NEK4: variants seen among roughly 807,000 people sequenced by gnomAD.
NEK4 encodes the protein NIMA related kinase 4.
NEK4 carries 86 observed loss-of-function variants against 98.4 expected under a neutral mutation model. The ratio of observed to expected loss-of-function variants is 0.87; its 90% CI spans 0.73 to 1.05. The LOEUF is 1.05. NEK4 is among the 50% of genes least tolerant of loss of function. The pLI, the probability that NEK4 is intolerant of heterozygous loss-of-function variation, is 0.00. For missense variants in NEK4, 898 were observed against 950.3 expected, an observed-to-expected ratio of 0.94 and a Z score of 0.72; for synonymous variants, 328 against 342.2, an observed-to-expected ratio of 0.96 and a Z score of 0.46.
rs1472587750 is a variant in NEK4, at chr3:52,770,201, T to A, written c.93+453A>T. ...TTGGCGGGAAGAAAATGAGTCGAGTTTTAAGTGAATCCAGCAGTCTACAGT... is the reference window on the plus strand; with the variant it reads ...TTGGCGGGAAGAAAATGAGTCGAGTATTAAGTGAATCCAGCAGTCTACAGT... On this transcript the variant is annotated intron_variant, in intron 1 of 15. Transcript: ENST00000233027. Among the ~76,000 whole-genome samples the A allele has an allele frequency of 2.6e-5, 4 of 152,044 alleles. No homozygotes were observed. The East Asian group carries it at 7.7e-4, about 29-fold the overall frequency.
intron 6 of NEK4, among the ~76,000 whole-genome samples, chr3:52,758,047 C>T (rs778505779): frequency 9.9e-5 from 15 of 151,912 alleles, no homozygotes; most frequent in Admixed American, 3.9e-4. Flanking sequence ...GATGTTGTGG[C>T]GTGTACCTGT....
intron 11 of NEK4, 50 bp downstream of exon 11, chr3:52,744,189 G>T: frequency 7.3e-7 from 1 of 1,362,114 alleles, no homozygotes; most frequent in Non-Finnish European, 1.1e-6. Context: ...TTCTGTCCAC[G>T]AACCATACCC....
intron 15 of NEK4, among the ~76,000 whole-genome samples, chr3:52,722,776 GC>G (rs2097361210): frequency 6.6e-6 from 1 of 152,072 alleles, no homozygotes; most frequent in Non-Finnish European, 1.5e-5. Context: ...GTGGTGGCAT[GC>G]TCCTACAGTC....
At chr3:52,755,993 G>A (rs1371203437) in intron 6 of NEK4, among the ~76,000 whole-genome samples, 1 of 152,036 alleles carries the variant, frequency 6.6e-6, no homozygotes, top group Non-Finnish European at 1.5e-5. Flanking sequence ...GCGAAAGAAG[G>A]ACTTACATAG....
At chr3:52,750,659 G>A (rs1281064612) in intron 7 of NEK4, among the ~76,000 whole-genome samples, 3 of 152,124 alleles carry the variant, frequency 2.0e-5, no homozygotes, top group African/African-American at 7.2e-5. Context: ...AGGGTCCAGT[G>A]ACTCATGCCT....
At chr3:52,737,480 T>TTATA in intron 15 of NEK4, 106 bp downstream of exon 15, 2 of 1,192,336 alleles carry the variant, frequency 1.7e-6, no homozygotes, top group South Asian at 2.6e-5. Flanking sequence ...AACCACTGAA[T>TTATA]TATACACTTT....
chr3:52,714,307 T>C (rs2097353086), intron 15 of NEK4, among the ~76,000 whole-genome samples: 1 of 152,218 alleles, frequency 6.6e-6, no homozygotes, highest in African/African-American at 2.4e-5. Flanking sequence ...GAGGCCATTG[T>C]TTTGGACTAA....
chr3:52,740,818 T>C (rs1015674080), intron 13 of NEK4, among the ~76,000 whole-genome samples: 3 of 130,154 alleles, frequency 2.3e-5, no homozygotes, highest in African/African-American at 7.6e-5. Flanking sequence ...AAATAAAATA[T>C]ATTTTTAAAA....
At chr3:52,724,262 C>CACACACACACA (rs1312010300) in intron 15 of NEK4, among the ~76,000 whole-genome samples, 13 of 150,816 alleles carry the variant, frequency 8.6e-5, no homozygotes. Flanking sequence ...CACACACACA[C>CACACACACACA]AAAACTGTCA....
At chr3:52,730,166 A>G (rs554525561) in intron 15 of NEK4, among the ~76,000 whole-genome samples, 1 of 152,364 alleles carries the variant, frequency 6.6e-6, no homozygotes, top group Admixed American at 6.5e-5. Context: ...TTGTATGCCA[A>G]CAAGTTGCAT....
chr3:52,749,681 G>A lies in NEK4; in HGVS notation c.1506+11C>T. 2 of 257,114 alleles carry A rather than the reference G, an allele frequency of 7.8e-6. No homozygotes were observed. The highest frequency in any genetic ancestry group is 1.6e-5 in the Non-Finnish European group (2 of 126,604). 15.9% of individuals were successfully genotyped at this position (257,114 alleles called of 1,614,324 possible). ...AAACCCCATCTCTGCTAGAAAAACT[G>A]CAAAAATTACCTGGGCGTGGTGGCA... is the stretch of plus-strand genomic sequence containing the variant. On this transcript the variant is annotated intron_variant, in intron 8 of 15. Coordinates refer to ENST00000233027, the MANE Select transcript of NEK4 (RefSeq NM_003157.6).
At chr3:52,721,707 G>A (rs143423262) in intron 15 of NEK4, among the ~76,000 whole-genome samples, 186 of 150,082 alleles carry the variant, frequency 1.2e-3, no homozygotes, top group African/African-American at 4.4e-3. Flanking sequence ...TTGTACTCCA[G>A]CCTGGGTGAC....
At chr3:52,757,921 A>G (rs753831348) in intron 6 of NEK4, among the ~76,000 whole-genome samples, 1 of 152,112 alleles carries the variant, frequency 6.6e-6, no homozygotes, top group Non-Finnish European at 1.5e-5. Context: ...CACACCTGTA[A>G]TCTCAGCATT....
At chr3:52,738,691 T>C (rs921436212) in intron 14 of NEK4, among the ~76,000 whole-genome samples, 8 of 152,088 alleles carry the variant, frequency 5.3e-5, no homozygotes, top group Non-Finnish European at 1.0e-4. Flanking sequence ...ACTCAAGCAA[T>C]CTGCCCTCCT....
chr3:52,730,334 T>C, intron 15 of NEK4, among the ~76,000 whole-genome samples: 1 of 152,106 alleles, frequency 6.6e-6, no homozygotes, highest in East Asian at 1.9e-4. Context: ...CCTGATGGCT[T>C]TGCTGGTGAT....
At chr3:52,733,368 G>T in intron 15 of NEK4, 1 of 364,886 alleles carries the variant, frequency 2.7e-6, no homozygotes, top group Non-Finnish European at 5.4e-6. Flanking sequence ...CCTCGCAAAT[G>T]TAACGAATGT....
intron 5 of NEK4, among the ~76,000 whole-genome samples, chr3:52,762,537 C>T (rs190721178): frequency 1.2e-4 from 19 of 152,260 alleles, no homozygotes; most frequent in Admixed American, 2.0e-4. Context: ...AAGCAAATTT[C>T]AACATGTATT....
At chr3:52,759,894 A>G (rs1442551830) in intron 6 of NEK4, among the ~76,000 whole-genome samples, 4 of 152,250 alleles carry the variant, frequency 2.6e-5, no homozygotes, top group African/African-American at 4.8e-5. Flanking sequence ...CCAGACCTAA[A>G]AAGAAATGAA....
chr3:52,712,674 C>A (rs2097351566), intron 15 of NEK4, among the ~76,000 whole-genome samples: 1 of 152,142 alleles, frequency 6.6e-6, no homozygotes, highest in African/African-American at 2.4e-5. Context: ...GATGGTTTTC[C>A]CCTGGAGTCT....
Sources: allele counts gnomAD v4.1 joint callset (sites outside exome capture counted in the v4.1 genomes callset), GRCh38; gene constraint gnomAD v4.1.1; transcripts MANE v1.5; gene names NCBI Gene and HGNC (gene_info 2026-07-23, HGNC 2026-07-21).